Variants in IGSF9B observed in about 807,000 individuals in gnomAD.
IGSF9B encodes protein turtle homolog B.
A neutral mutation model predicts 143.7 loss-of-function variants in IGSF9B; 48 were observed. That is an observed-to-expected ratio of 0.33 (90% CI 0.26 to 0.42). The LOEUF (loss-of-function observed/expected upper bound fraction) is 0.42. Ranked by LOEUF, IGSF9B falls within the 20% of genes least tolerant of loss-of-function variation. IGSF9B has a pLI of 1.00. For synonymous variants in IGSF9B, 903 were observed against 833.1 expected (o/e 1.08, Z -1.44); for missense variants, 1,706 against 1,980.0 (o/e 0.86, Z 2.63).
intron 5 of IGSF9B, among the ~76,000 whole-genome samples, chr11:133,936,813 C>T (rs559173196): frequency 6.6e-5 from 10 of 152,292 alleles, no homozygotes; most frequent in African/African-American, 2.4e-4. Context: ...AGCCGGGGGC[C>T]GAGTTCAGCA....
intron 1 of IGSF9B, among the ~76,000 whole-genome samples, chr11:133,951,237 C>A (rs115002583): frequency 0.057 from 8,753 of 152,282 alleles, 343 homozygotes; most frequent in Middle Eastern, 0.15. Context: ...GGAAGGCAGA[C>A]GGGTACGGGT....
chr11:133,946,348 G>A (rs957956096), intron 1 of IGSF9B, 90 bp from the exon 2 acceptor site: 49 of 1,146,152 alleles, frequency 4.3e-5, no homozygotes, highest in South Asian at 1.8e-4. Context: ...GGGTCACCCC[G>A]CCCCCCACCA....
chr11:133,917,275 G>C (rs75952732), intron 18 of IGSF9B, among the ~76,000 whole-genome samples: 1 of 152,130 alleles, frequency 6.6e-6, no homozygotes, highest in Non-Finnish European at 1.5e-5. Context: ...AGCGAGCTTC[G>C]GGTGGCCCTG....
chr11:133,922,615 G>T lies in IGSF9B; in HGVS notation c.2235C>A (p.Ala745=). Residue 745 remains alanine (A), a synonymous_variant, in exon 16 of 20, where the codon GCC becomes GCA. Coordinates refer to ENST00000533871, the MANE Select transcript of IGSF9B (RefSeq NM_001277285.4). The part of the protein sequence containing the change: ...AAAILFSTLA[A]CFVNKQRKRK... ...GCTTGCGCTGCTTGTTGACAAAGCA[G>T]GCAGCCAGGGTGCTGAACAGGATGG... The T allele has an allele frequency of 6.2e-7, 1 of 1,609,200 alleles. No individual in the cohort carries two copies. The highest frequency in any genetic ancestry group is 1.1e-5 in the South Asian group (1 of 89,824).
intron 19 of IGSF9B, among the ~76,000 whole-genome samples, chr11:133,911,388 G>A (rs990870439): frequency 2.0e-5 from 3 of 152,144 alleles, no homozygotes; most frequent in Non-Finnish European, 2.9e-5. Flanking sequence ...TGTACCCTGA[G>A]GTCCACATGG....
chr11:133,943,660 C>A (rs1182425431), intron 3 of IGSF9B, among the ~76,000 whole-genome samples: 2 of 152,212 alleles, frequency 1.3e-5, no homozygotes, highest in Non-Finnish European at 2.9e-5. Flanking sequence ...CTGCATTTTA[C>A]TATGTGGTAA....
At chr11:133,942,296 T>C (rs1307311562) in intron 3 of IGSF9B, among the ~76,000 whole-genome samples, 1 of 152,172 alleles carries the variant, frequency 6.6e-6, no homozygotes, top group Admixed American at 6.5e-5. Flanking sequence ...TTTTTGTAAC[T>C]GAGGAACCGG....
intron 7 of IGSF9B, among the ~76,000 whole-genome samples, chr11:133,934,355 C>A (rs1389921637): frequency 2.0e-5 from 3 of 152,232 alleles, no homozygotes; most frequent in Non-Finnish European, 4.4e-5. Flanking sequence ...CGGGGCGCAC[C>A]TTTGTGGTGG....
chr11:133,934,905 G>C (rs1259694437), intron 7 of IGSF9B, among the ~76,000 whole-genome samples: 1 of 152,264 alleles, frequency 6.6e-6, no homozygotes, highest in Non-Finnish European at 1.5e-5. Context: ...TGTTGCCTGA[G>C]TGACAGGGCC....
At chr11:133,914,834 C>T (rs761246290) in intron 18 of IGSF9B, among the ~76,000 whole-genome samples, 3 of 152,190 alleles carry the variant, frequency 2.0e-5, no homozygotes, top group Non-Finnish European at 4.4e-5. Context: ...TTACCAACAG[C>T]ACGTAAAGCC....
chr11:133,909,136 G>A lies in IGSF9B; in HGVS notation c.4247C>T (p.Pro1416Leu), dbSNP rs73032056. ...RLSDLCHRQL[P>L]EDQTAILNSV... ...GTTGAGAATCGCTGTCTGGTCTTCC[G>A]GAAGCTGGCGGTGGCACAAGTCTGA... The change falls in exon 20 of 20, where the codon CCG (proline) becomes CTG (leucine). Residue 1416 changes from proline to leucine, a missense_variant. Pro to Leu is a moderately conservative substitution (Grantham distance 98, BLOSUM62 -3). Around this residue, in one of 7 missense-constraint regions of IGSF9B, gnomAD observed 12 missense variants for 29.6 expected, o/e 0.41. Transcript: ENST00000533871. The surrounding 1 kb of genome is among the most constrained non-coding windows in gnomAD (Gnocchi z 4.2). 3,923 of 1,535,888 alleles carry A rather than the reference G, an allele frequency of 2.6e-3. 16 individuals are homozygous for A. Among genetic ancestry groups the A allele is most frequent in the Non-Finnish European group, 2.7e-3 (3,075 of 1,146,744 alleles).
At position 133,902,100 on chromosome 11, in the gene IGSF9B, CAT is replaced by C. The variant is rs1193477001; in HGVS notation, c.*6967_*6968del. Reference sequence around the variant, plus strand: ...CACACCACATACAATACACAAAACACATAGCACACACACACACCACACACAGT... The same window carrying C: ...CACACCACATACAATACACAAAACACAGCACACACACACACCACACACAGT... On this transcript the variant is annotated 3_prime_UTR_variant, in exon 20 of 20. Coordinates refer to ENST00000533871, the MANE Select transcript of IGSF9B (RefSeq NM_001277285.4). Among the ~76,000 whole-genome samples, 1 of 146,870 alleles carries C rather than the reference CAT, an allele frequency of 6.8e-6. No homozygotes were observed. The highest frequency in any genetic ancestry group is 2.5e-5 in the African/African-American group (1 of 39,630).
chr11:133,947,853 C>CTCTGTCTGCCTG lies in IGSF9B; in HGVS notation c.65-1607_65-1596dup. On this transcript the variant is annotated intron_variant, in intron 1 of 19. Transcript: ENST00000533871. ...GTTTGTCTGTCTGCCTTGCTGGCTC[C>CTCTGTCTGCCTG]TCTGTCTGCCTGTCTGTCTGCCTAT... 1.3e-5 allele frequency among the ~76,000 whole-genome samples: 2 copies of CTCTGTCTGCCTG among 151,942 alleles called. 1 individual carries two copies. The highest frequency in any genetic ancestry group is 4.1e-4 in the South Asian group (2 of 4,830).
rs1939234997 is a variant in IGSF9B, at chr11:133,907,918, G to A, written c.*1151C>T. ...GGCAGGCAGCACGTGGTGAGTGCGG[G>A]AAAGCCACAGGCGGCTCCGCACAAG... On this transcript the variant is annotated 3_prime_UTR_variant, in exon 20 of 20. Coordinates refer to ENST00000533871, the MANE Select transcript of IGSF9B (RefSeq NM_001277285.4). 1.3e-5 allele frequency among the ~76,000 whole-genome samples: 2 copies of A among 152,240 alleles called. No homozygotes were observed. Among genetic ancestry groups the A allele is most frequent in the African/African-American group, 4.8e-5 (2 of 41,464 alleles).
At chr11:133,926,251 C>T (rs887185087) in intron 13 of IGSF9B, among the ~76,000 whole-genome samples, 2 of 152,242 alleles carry the variant, frequency 1.3e-5, no homozygotes, top group African/African-American at 4.8e-5. Flanking sequence ...TTCTTTCTCA[C>T]AGCACAGCAG....
chr11:133,930,794 G>A (rs1939709292), intron 11 of IGSF9B, among the ~76,000 whole-genome samples, 190 bp downstream of exon 11: 1 of 152,260 alleles, frequency 6.6e-6, no homozygotes, highest in Non-Finnish European at 1.5e-5. Context: ...GAGCCACGCT[G>A]CCCTTCCCCG....
At chr11:133,947,675 C>T (rs908321009) in intron 1 of IGSF9B, among the ~76,000 whole-genome samples, 2 of 151,898 alleles carry the variant, frequency 1.3e-5, no homozygotes, top group East Asian at 1.9e-4. Context: ...TGTCTGTGCA[C>T]GCACACACAC....
At position 133,908,676 on chromosome 11, in the gene IGSF9B, A is replaced by G. The variant is rs1190687653; in HGVS notation, c.*393T>C. The G allele has an allele frequency of 5.0e-6, 1 of 200,832 alleles. No homozygotes were observed. The highest frequency in any genetic ancestry group is 5.3e-5 in the Admixed American group (1 of 18,920). The allele number at this position is 200,832 out of a possible 1,614,324, so 12.4% of individuals were successfully genotyped here. A position where few individuals can be genotyped will look rare whatever the true frequency, so the allele number is the denominator to read the frequency against. ...TATATATGTGGGGTGTGGAAGATGG[A>G]CATTAAGTCCAGCCTTCTTCCAGGA... On this transcript the variant is annotated 3_prime_UTR_variant, in exon 20 of 20. Coordinates refer to ENST00000533871, the MANE Select transcript of IGSF9B (RefSeq NM_001277285.4).
At chr11:133,912,100 G>A in intron 18 of IGSF9B, 93 bp from the exon 19 acceptor site, 2 of 1,414,430 alleles carry the variant, frequency 1.4e-6, no homozygotes, top group South Asian at 2.8e-5. Flanking sequence ...CTGACCCACA[G>A]AAGGACAGAG....
Sources: gnomAD v4.1 joint callset for allele counts (sites outside exome capture counted in the v4.1 genomes callset) on GRCh38, gnomAD v4.1.1 for gene constraint, gnomAD v4.1.1 regional missense constraint, Gnocchi (gnomAD v3.1) non-coding constraint, MANE v1.5 for transcripts, NCBI Gene and HGNC (gene_info 2026-07-23, HGNC 2026-07-21) for gene names.